The following KDM3B variants were observed in gnomAD, a reference collection of about 807,000 sequenced individuals.
KDM3B encodes the protein lysine demethylase 3B, also known as lysine-specific demethylase 3B.
A neutral mutation model predicts 170.0 loss-of-function variants in KDM3B; 10 were observed. The observed-to-expected ratio is 0.06, with a 90% confidence interval of 0.04 to 0.10. The LOEUF is 0.10. Ranked by LOEUF, KDM3B falls within the 10% of genes least tolerant of loss-of-function variation. KDM3B has a pLI of 1.00. For missense variants in KDM3B, 1,394 were observed against 2,195.2 expected, an observed-to-expected ratio of 0.64 and a Z score of 7.29; for synonymous variants, 831 against 834.8, an observed-to-expected ratio of 1.00 and a Z score of 0.08.
intron 1 of KDM3B, among the ~76,000 whole-genome samples, chr5:138,364,673 C>T (rs572927744): frequency 6.6e-5 from 10 of 152,094 alleles, no homozygotes; most frequent in East Asian, 1.9e-4. Context: ...TATTCTGCTA[C>T]GCATTTAAAG....
In KDM3B at chr5:138,428,207, T is replaced by G. The variant is rs1206731143; in HGVS notation, c.4753+121T>G. On this transcript the variant is annotated intron_variant, in intron 20 of 23. Transcript: ENST00000314358. Reference sequence around the variant, plus strand: ...TTTTTTTTCTTTTTCTTTTTTCTGTTTTTTTTTTTGGGGGGCGGGGAGGCA... The same window carrying G: ...TTTTTTTTCTTTTTCTTTTTTCTGTGTTTTTTTTTGGGGGGCGGGGAGGCA... 6.8e-6 allele frequency: 7 copies of G among 1,024,564 alleles called. No homozygotes were observed. The Admixed American group carries it at 1.6e-4, about 23-fold the overall frequency. The allele number at this position is 1,024,564 out of a possible 1,614,324, so 63.5% of individuals were successfully genotyped here. A position where few individuals can be genotyped will look rare whatever the true frequency, so the allele number is the denominator to read the frequency against.
At chr5:138,400,991 A>G (rs986466095) in intron 11 of KDM3B, among the ~76,000 whole-genome samples, 1 of 151,884 alleles carries the variant, frequency 6.6e-6, no homozygotes, top group African/African-American at 2.4e-5. Flanking sequence ...AAATAGAATC[A>G]GCCAGGCGCC....
chr5:138,386,069 A>T lies in KDM3B; in HGVS notation c.828A>T (p.Arg276Ser). The T allele has an allele frequency of 6.2e-7, 1 of 1,613,204 alleles. No homozygotes were observed. The highest frequency in any genetic ancestry group is 8.5e-7 in the Non-Finnish European group (1 of 1,179,674). The change falls in exon 7 of 24, where the codon AGA becomes AGT. Residue 276 changes from arginine (R) to serine (S), a missense_variant. Arg to Ser is a moderately radical substitution (Grantham distance 110). Around this residue, in one of 19 missense-constraint regions of KDM3B, gnomAD observed 166 missense variants for 216.4 expected, o/e 0.77. Coordinates refer to ENST00000314358, the MANE Select transcript of KDM3B (RefSeq NM_016604.4). ...AVKSSKGKKK[R>S]ESIEGKDGRR... ...AATCTTCCAAAGGAAAGAAGAAGAG[A>T]GAAAGCATAGAGGGGAAAGATGGCC...
intron 15 of KDM3B, among the ~76,000 whole-genome samples, chr5:138,421,433 G>A (rs756050670): frequency 9.9e-5 from 15 of 152,122 alleles, no homozygotes; most frequent in Non-Finnish European, 2.1e-4. Flanking sequence ...AATCATTTGG[G>A]ACTCGCCTGT....
In KDM3B at chr5:138,381,545, A is replaced by G. The variant is rs978544239; in HGVS notation, c.735A>G (p.Arg245=). 4 of 1,605,066 alleles carry G rather than the reference A, an allele frequency of 2.5e-6. No individual in the cohort carries two copies. Among genetic ancestry groups the G allele is most frequent in the East Asian group, 2.2e-5 (1 of 44,842 alleles). ...GTGAGATCAAGTCGGTAGATCCCAG[A>G]CTAATCCATGTGATGCTGATGGATA... ...ESGEIKSVDP[R]LIHVMLMDNS... Residue 245 remains arginine, a synonymous_variant, in exon 6 of 24, where the codon AGA becomes AGG. Transcript: ENST00000314358.
At chr5:138,395,981 A>G (rs1762536231) in intron 9 of KDM3B, among the ~76,000 whole-genome samples, 4 of 152,206 alleles carry the variant, frequency 2.6e-5, no homozygotes, top group African/African-American at 9.7e-5. Flanking sequence ...ATGGACTAGA[A>G]GTGACTGATT....
chr5:138,425,334 C>A, intron 16 of KDM3B, 77 bp from the exon 17 acceptor site: 1 of 1,365,276 alleles, frequency 7.3e-7, no homozygotes, highest in Non-Finnish European at 1.0e-6. Context: ...CCTCAGGAAA[C>A]CCTCCTATTC....
chr5:138,391,760 C>T lies in KDM3B; in HGVS notation c.2128C>T (p.Leu710Phe). 3 of 1,614,122 alleles carry T rather than the reference C, an allele frequency of 1.9e-6. No homozygotes were observed. The highest frequency in any genetic ancestry group is 2.5e-6 in the Non-Finnish European group (3 of 1,180,026). Residue 710 changes from leucine to phenylalanine, a missense_variant, in exon 8 of 24, where the codon CTT becomes TTT. Coordinates refer to ENST00000314358, the MANE Select transcript of KDM3B (RefSeq NM_016604.4). This position sits in a 1 kb window ranked among gnomAD's most constrained non-coding sequence, Gnocchi z 5.0. ...AGTATCTGGTGTTCTGGGCTCAGCT[C>T]TTACCAGTGGGGGCCCAAGCCTCTC... The part of the protein sequence containing the change: ...KLVSGVLGSA[L>F]TSGGPSLSAM...
At chr5:138,423,374 T>C (rs552018784) in intron 15 of KDM3B, among the ~76,000 whole-genome samples, 1 of 152,342 alleles carries the variant, frequency 6.6e-6, no homozygotes, top group East Asian at 1.9e-4. Flanking sequence ...ACATACTTTA[T>C]AGAGATAGGG....
In KDM3B at chr5:138,356,473, C is replaced by T. The variant is rs1761450602; in HGVS notation, c.192+3486C>T. 3.3e-5 allele frequency among the ~76,000 whole-genome samples: 5 copies of T among 151,982 alleles called. No individual in the cohort carries two copies. In the South Asian group the frequency reaches 1.0e-3, roughly 32 times the overall value. On this transcript the variant is annotated intron_variant, in intron 1 of 23. Coordinates refer to ENST00000314358, the MANE Select transcript of KDM3B (RefSeq NM_016604.4). ...TTCATGACTATTTGTCCTTTTTTTC[C>T]ATGTGTACTGGCTTTTTCATTTCTT...
chr5:138,396,951 C>T (rs1296880833), intron 9 of KDM3B, among the ~76,000 whole-genome samples: 2 of 152,160 alleles, frequency 1.3e-5, no homozygotes, highest in South Asian at 2.1e-4. Context: ...TTTGGAAGGC[C>T]GAGGTGGGCG....
Position 138,418,974 on chromosome 5 carries a change from G to A in KDM3B, c.3457G>A (p.Ala1153Thr). 2 of 1,614,116 alleles carry A rather than the reference G, an allele frequency of 1.2e-6. No individual in the cohort carries two copies. Residue 1153 changes from alanine (A) to threonine (T), a missense_variant, in exon 14 of 24, where the codon GCC (alanine) becomes ACC (threonine). Transcript: ENST00000314358. ...TTAGCTTCCTAGCATAAACCCTAGT[G>A]CCTCTTCTGGAAACGAAACTACCTT... ...MSQLPSINPS[A>T]SSGNETTFSG...
At chr5:138,419,320 A>G in intron 14 of KDM3B, 88 bp downstream of exon 14, 1 of 1,412,480 alleles carries the variant, frequency 7.1e-7, no homozygotes, top group Non-Finnish European at 9.6e-7. Flanking sequence ...TACCATCCAC[A>G]TTTATGAAAC....
At chr5:138,362,292 G>GAA (rs59587225) in intron 1 of KDM3B, among the ~76,000 whole-genome samples, 15 of 147,506 alleles carry the variant, frequency 1.0e-4, no homozygotes, top group East Asian at 3.9e-4. Flanking sequence ...ACTCCAGCCT[G>GAA]AAAAAAAAAA....
chr5:138,416,420 C>T (rs1193791452), intron 12 of KDM3B, among the ~76,000 whole-genome samples: 2 of 151,646 alleles, frequency 1.3e-5, no homozygotes, highest in Admixed American at 1.3e-4. Context: ...TGAAACCCCA[C>T]CTCTACTAAA....
intron 15 of KDM3B, among the ~76,000 whole-genome samples, chr5:138,423,531 TG>T: frequency 6.6e-6 from 1 of 152,286 alleles, no homozygotes; most frequent in East Asian, 1.9e-4. Flanking sequence ...GGGATGGTAG[TG>T]AGGAAAAAAT....
At chr5:138,376,107 G>T (rs1321747476) in intron 3 of KDM3B, among the ~76,000 whole-genome samples, 2 of 152,052 alleles carry the variant, frequency 1.3e-5, no homozygotes, top group Non-Finnish European at 2.9e-5. Context: ...CTCCCAACTA[G>T]CTTGGGATCA....
intron 14 of KDM3B, among the ~76,000 whole-genome samples, chr5:138,419,863 T>G (rs1763226441): frequency 6.6e-6 from 1 of 151,172 alleles, no homozygotes; most frequent in African/African-American, 2.4e-5. Context: ...TAGTCAGAAT[T>G]TATACAAGGG....
chr5:138,410,254 C>G (rs1017166825), intron 11 of KDM3B, among the ~76,000 whole-genome samples: 14 of 152,068 alleles, frequency 9.2e-5, no homozygotes, highest in Admixed American at 2.6e-4. Flanking sequence ...TACAGTGGAT[C>G]TAGAATACCC....
Sources: allele counts gnomAD v4.1 joint callset (sites outside exome capture counted in the v4.1 genomes callset), GRCh38; gene constraint gnomAD v4.1.1; regional missense constraint gnomAD v4.1.1; non-coding constraint Gnocchi (gnomAD v3.1); transcripts MANE v1.5; gene names NCBI Gene and HGNC (gene_info 2026-07-23, HGNC 2026-07-21).